Variants in MARCHF2 observed in about 807,000 individuals in gnomAD.
MARCHF2 encodes membrane associated ring-CH-type finger 2, also known as E3 ubiquitin-protein ligase MARCHF2.
Under a neutral mutation model 24.0 loss-of-function variants are expected in MARCHF2, and 22 were observed. The ratio of observed to expected loss-of-function variants is 0.92; its 90% confidence interval spans 0.66 to 1.31. The LOEUF (loss-of-function observed/expected upper bound fraction) is 1.31. Ranked by LOEUF, MARCHF2 falls within the 50% of genes most tolerant of loss-of-function variation. The probability of loss-of-function intolerance (pLI) is 0.00; values close to 1 mark genes in which losing one functional copy is unlikely to be tolerated. For missense variants in MARCHF2, 301 were observed against 335.3 expected (o/e 0.90, Z 0.80); for synonymous variants, 154 against 153.0 (o/e 1.01, Z -0.05).
chr19:8,426,574 CA>C, intron 2 of MARCHF2, 34 bp from the exon 3 acceptor site: 1 of 1,585,870 alleles, frequency 6.3e-7, no homozygotes, highest in Non-Finnish European at 8.6e-7. Flanking sequence ...ACAGAAAGCC[CA>C]ATCATTGCTC....
intron 4 of MARCHF2, among the ~76,000 whole-genome samples, chr19:8,436,381 C>T (rs1967723262): frequency 6.6e-6 from 1 of 152,054 alleles, no homozygotes; most frequent in African/African-American, 2.4e-5. Context: ...GATCTGCCCA[C>T]CTTGGCCTCC....
Position 8,438,476 on chromosome 19 carries a change from C to T in MARCHF2, c.671C>T (p.Pro224Leu), listed in dbSNP as rs150682453. 8 of 1,614,006 alleles carry T rather than the reference C, an allele frequency of 5.0e-6. No individual in the cohort carries two copies. The African/African-American group carries it at 9.3e-5, about 19-fold the overall frequency. ...VRLKIREADSPEGPQHSPLAA... is the reference protein window; with the variant it reads ...VRLKIREADSLEGPQHSPLAA... ...CTGAAGATCCGGGAGGCGGACAGCCCCGAGGGCCCCCAGCATTCTCCACTG... is the reference window on the plus strand; with the variant it reads ...CTGAAGATCCGGGAGGCGGACAGCCTCGAGGGCCCCCAGCATTCTCCACTG... The change falls in exon 5 of 5, where the codon CCC becomes CTC. Residue 224 changes from proline (P) to leucine (L), a missense_variant. Transcript: ENST00000215555.
At chr19:8,415,744 C>CAAAAA in intron 1 of MARCHF2, among the ~76,000 whole-genome samples, 1 of 96,196 alleles carries the variant, frequency 1.0e-5, no homozygotes, top group African/African-American at 3.8e-5. Flanking sequence ...ACAAAAAAAA[C>CAAAAA]AAAAAAAAAA....
intron 1 of MARCHF2, among the ~76,000 whole-genome samples, chr19:8,415,108 C>A (rs574400266): frequency 3.9e-5 from 6 of 152,308 alleles, no homozygotes; most frequent in Non-Finnish European, 5.9e-5. Flanking sequence ...TCAATGAGAT[C>A]TATCTCCAGG....
At chr19:8,438,223 T>C (rs1357013791) in intron 4 of MARCHF2, among the ~76,000 whole-genome samples, 165 bp from the exon 5 acceptor site, 1 of 152,036 alleles carries the variant, frequency 6.6e-6, no homozygotes, top group Non-Finnish European at 1.5e-5. Context: ...GGAGTGTGAA[T>C]GGGTCTGTGT....
chr19:8,435,117 C>T (rs1217895499), intron 4 of MARCHF2, among the ~76,000 whole-genome samples: 1 of 148,814 alleles, frequency 6.7e-6, no homozygotes, highest in Non-Finnish European at 1.5e-5. Flanking sequence ...CTCTCAGGTT[C>T]AAGCAATTAT....
At position 8,420,317 on chromosome 19, in the gene MARCHF2, C is replaced by A. The variant is rs537599071; in HGVS notation, c.-52-1472C>A. 2.8e-4 allele frequency among the ~76,000 whole-genome samples: 42 copies of A among 150,286 alleles called. No homozygotes were observed. In the South Asian group the frequency reaches 7.9e-3, roughly 28 times the overall value. ...GAGCCGAGATCATGCCATTGCACTC[C>A]AGCCTGGGCGACAAGAGTGAAACTC... On this transcript the variant is annotated intron_variant, in intron 1 of 4. Coordinates refer to ENST00000215555, the MANE Select transcript of MARCHF2 (RefSeq NM_001005415.2).
intron 4 of MARCHF2, among the ~76,000 whole-genome samples, chr19:8,437,477 G>A (rs994611136): frequency 8.2e-5 from 12 of 146,736 alleles, no homozygotes; most frequent in Admixed American, 5.6e-4. Flanking sequence ...TCAGCGTCCC[G>A]AGTAGCTGGG....
At position 8,430,987 on chromosome 19, in the gene MARCHF2, G is replaced by A. The variant is rs535147933; in HGVS notation, c.582+120G>A. ...TCCCTGGCTGCCTCTGTCTATGGCC[G>A]TGGGTGGAAGAGAGCTTCTGAGGTC... is the stretch of plus-strand genomic sequence containing the variant. On this transcript the variant is annotated intron_variant, in intron 4 of 4. Coordinates refer to ENST00000215555, the MANE Select transcript of MARCHF2 (RefSeq NM_001005415.2). This position sits in a 1 kb window ranked among gnomAD's most constrained non-coding sequence, Gnocchi z 4.4. The A allele has an allele frequency of 3.7e-5, 37 of 1,003,192 alleles. No homozygotes were observed. In the African/African-American group the frequency reaches 5.0e-4, roughly 14 times the overall value. 62.1% of individuals were successfully genotyped at this position (1,003,192 alleles called of 1,614,324 possible). A position where few individuals can be genotyped will look rare whatever the true frequency, so the allele number is the denominator to read the frequency against.
At chr19:8,426,924 CT>C in intron 3 of MARCHF2, 120 bp downstream of exon 3, 2 of 857,700 alleles carry the variant, frequency 2.3e-6, no homozygotes, top group Non-Finnish European at 3.6e-6. Context: ...CCTACCGCCC[CT>C]GTCCACCAGG....
intron 2 of MARCHF2, among the ~76,000 whole-genome samples, chr19:8,425,475 G>A (rs571757308): frequency 8.6e-5 from 13 of 151,722 alleles, no homozygotes; most frequent in East Asian, 5.8e-4. Flanking sequence ...TGAACTCCTC[G>A]GCTCAAGTGA....
At chr19:8,421,766 C>A in intron 1 of MARCHF2, 23 bp from the exon 2 acceptor site, 1 of 1,420,328 alleles carries the variant, frequency 7.0e-7, no homozygotes. Context: ...TTGCCCCTAA[C>A]CTCCGCACTG....
In MARCHF2 at chr19:8,430,975, C is replaced by CT; in HGVS notation, c.582+109dup. On this transcript the variant is annotated intron_variant, in intron 4 of 4. Coordinates refer to ENST00000215555, the MANE Select transcript of MARCHF2 (RefSeq NM_001005415.2). The surrounding 1 kb of genome is among the most constrained non-coding windows in gnomAD (Gnocchi z 4.4). ...GGGGCACGGGGCTCCCTGGCTGCCT[C>CT]TGTCTATGGCCGTGGGTGGAAGAGA... The CT allele has an allele frequency of 8.9e-7, 1 of 1,129,176 alleles. No homozygotes were observed. Among genetic ancestry groups the CT allele is most frequent in the South Asian group, 1.5e-5 (1 of 65,822 alleles). The allele number at this position is 1,129,176 out of a possible 1,614,324, so 69.9% of individuals were successfully genotyped here. A position where few individuals can be genotyped will look rare whatever the true frequency, so the allele number is the denominator to read the frequency against.
rs71175852 is a variant in MARCHF2, at chr19:8,416,340, C to CA, written c.-53+2942dup. ...TGGGCGACAGAGCGAGACTCTGTCT[C>CA]AAAAAAAAAAAAAAAAAAAAAATGA... On this transcript the variant is annotated intron_variant, in intron 1 of 4. Transcript: ENST00000215555. 4.8e-3 allele frequency among the ~76,000 whole-genome samples: 368 copies of CA among 77,246 alleles called. 2 individuals carry two copies. Among genetic ancestry groups the CA allele is most frequent in the Non-Finnish European group, 5.0e-3 (194 of 39,128 alleles). The allele number at this position is 77,246 out of a possible 152,430, so 50.7% of individuals were successfully genotyped here.
At chr19:8,438,339 T>C (rs1224505780) in intron 4 of MARCHF2, 49 bp from the exon 5 acceptor site, 13 of 1,600,440 alleles carry the variant, frequency 8.1e-6, no homozygotes, top group Non-Finnish European at 1.1e-5. Context: ...CGACTTGTTT[T>C]CCTCCCTTGC....
intron 3 of MARCHF2, among the ~76,000 whole-genome samples, chr19:8,429,535 TA>T (rs1967519337): frequency 6.7e-6 from 1 of 149,978 alleles, no homozygotes; most frequent in Admixed American, 6.7e-5. Context: ...GACAGAGTCT[TA>T]CTCTGTCACC....
rs1010558675 is a variant in MARCHF2, at chr19:8,413,345, G to C, written c.-128G>C. ...CCGGAGCGGAGCTAGTGGCGCCGAC[G>C]GGCCGGGCCGGGCCGGGACCGGGGC... On this transcript the variant is annotated 5_prime_UTR_variant, in exon 1 of 5. Transcript: ENST00000215555. 4 of 148,188 alleles carry C rather than the reference G, an allele frequency of 2.7e-5. No homozygotes were observed. Among genetic ancestry groups the C allele is most frequent in the African/African-American group, 1.1e-4 (4 of 38,046 alleles). The allele number at this position is 148,188 out of a possible 1,614,324, so 9.2% of individuals were successfully genotyped here.
intron 4 of MARCHF2, among the ~76,000 whole-genome samples, chr19:8,435,835 TG>T (rs1967703917): frequency 7.2e-6 from 1 of 138,176 alleles, no homozygotes; most frequent in African/African-American, 3.0e-5. Context: ...GGCCTGTGTG[TG>T]TGTGTGTGTG....
chr19:8,428,649 C>CAAAAAAAAAAAAAAAAAA (rs59542078), intron 3 of MARCHF2, among the ~76,000 whole-genome samples: 3 of 30,644 alleles, frequency 9.8e-5, no homozygotes, highest in African/African-American at 1.3e-4. Flanking sequence ...GACTCTATCT[C>CAAAAAAAAAAAAAAAAAA]AAAAAAAAAA....
Sources: gnomAD v4.1 joint callset for allele counts (sites outside exome capture counted in the v4.1 genomes callset) on GRCh38, gnomAD v4.1.1 for gene constraint, Gnocchi (gnomAD v3.1) non-coding constraint, MANE v1.5 for transcripts, NCBI Gene and HGNC (gene_info 2026-07-23, HGNC 2026-07-21) for gene names.